NEDD4L: variants seen among roughly 807,000 people sequenced by gnomAD.
The protein encoded by NEDD4L is E3 ubiquitin-protein ligase NEDD4-like.
A neutral mutation model predicts 148.9 loss-of-function variants in NEDD4L; 54 were observed. That is an observed-to-expected ratio of 0.36 (90% CI 0.29 to 0.45). The LOEUF is 0.45. Among genes scored for constraint, NEDD4L ranks in the 20% least tolerant of loss-of-function variants. The pLI, the probability that NEDD4L is intolerant of heterozygous loss-of-function variation, is 1.00. For synonymous variants in NEDD4L, 433 were observed against 440.7 expected (o/e 0.98, Z 0.22); for missense variants, 856 against 1,233.8 (o/e 0.69, Z 4.59).
chr18:58,281,007 A>G (rs2052977131), intron 5 of NEDD4L, among the ~76,000 whole-genome samples: 1 of 151,798 alleles, frequency 6.6e-6, no homozygotes, highest in African/African-American at 2.4e-5. Flanking sequence ...GACAAATCTC[A>G]CTCTGTTGCC....
chr18:58,168,265 A>T (rs2037117815), intron 2 of NEDD4L, among the ~76,000 whole-genome samples: 1 of 152,138 alleles, frequency 6.6e-6, no homozygotes, highest in Admixed American at 6.5e-5. Flanking sequence ...TTCTTCAGGG[A>T]CACATTTGCC....
chr18:58,343,525 G>A (rs1337997821), intron 16 of NEDD4L, among the ~76,000 whole-genome samples: 5 of 151,974 alleles, frequency 3.3e-5, no homozygotes, highest in Admixed American at 6.5e-5. Context: ...TTGATTTGTC[G>A]CTTTAGTTTT....
At chr18:58,273,152 A>G (rs1229938132) in intron 5 of NEDD4L, among the ~76,000 whole-genome samples, 4 of 152,194 alleles carry the variant, frequency 2.6e-5, no homozygotes, top group Non-Finnish European at 5.9e-5. Context: ...AAGTGAGTGG[A>G]GGAGACAGTG....
intron 1 of NEDD4L, among the ~76,000 whole-genome samples, chr18:58,078,137 T>A (rs943644358): frequency 6.2e-4 from 92 of 149,428 alleles, no homozygotes; most frequent in African/African-American, 2.2e-3. Flanking sequence ...AAGAGCCAAA[T>A]GAGACCTTTA....
chr18:58,234,139 TTC>T lies in NEDD4L; in HGVS notation c.123-11278_123-11277del, dbSNP rs774146971. ...TTCTTTTCCTTCTTTTTTTCTTTCTTTCTCTCTCTCTTTCTTTCTTCTTTTTC... is the reference window on the plus strand; with the variant it reads ...TTCTTTTCCTTCTTTTTTTCTTTCTTTCTCTCTCTTTCTTTCTTCTTTTTC... On this transcript the variant is annotated intron_variant, in intron 2 of 30. Transcript: ENST00000400345. Among the ~76,000 whole-genome samples the T allele has an allele frequency of 2.5e-3, 376 of 151,026 alleles. 3 individuals carry two copies. In the Middle Eastern group the frequency reaches 0.027, roughly 11 times the overall value.
At chr18:58,176,795 A>G (rs1191758126) in intron 2 of NEDD4L, among the ~76,000 whole-genome samples, 3 of 152,212 alleles carry the variant, frequency 2.0e-5, no homozygotes, top group Non-Finnish European at 2.9e-5. Flanking sequence ...TGGAAGGAAA[A>G]CTACAAGACT....
At chr18:58,221,988 A>G (rs1368363188) in intron 2 of NEDD4L, among the ~76,000 whole-genome samples, 2 of 152,232 alleles carry the variant, frequency 1.3e-5, no homozygotes, top group African/African-American at 4.8e-5. Context: ...CTTGAAAAGA[A>G]TTGGGATCAG....
intron 2 of NEDD4L, among the ~76,000 whole-genome samples, chr18:58,230,309 A>G (rs1473038751): frequency 1.3e-5 from 2 of 152,174 alleles, no homozygotes; most frequent in South Asian, 2.1e-4. Context: ...TATCAACTCT[A>G]TAAGTCAGTT....
Position 58,289,213 on chromosome 18 carries a change from G to A in NEDD4L, c.298-26769G>A, listed in dbSNP as rs763624301. On this transcript the variant is annotated intron_variant, in intron 5 of 30. Transcript: ENST00000400345. ...TATACGCTGTGTACAAATTAGCTCA[G>A]ATTCAAGATTTTTGCTCTAACAACT... Among the ~76,000 whole-genome samples the A allele has an allele frequency of 3.3e-5, 5 of 152,318 alleles. No homozygotes were observed. The South Asian group carries it at 6.2e-4, about 19-fold the overall frequency.
intron 1 of NEDD4L, among the ~76,000 whole-genome samples, chr18:58,128,079 C>T (rs973205286): frequency 2.0e-5 from 3 of 152,034 alleles, no homozygotes; most frequent in African/African-American, 7.2e-5. Context: ...CAGGGTCTCA[C>T]TCTGTCGCCC....
chr18:58,389,081 C>G lies in NEDD4L; in HGVS notation c.2548-4C>G. On this transcript the variant is annotated splice_polypyrimidine_tract_variant and splice_region_variant and intron_variant, in intron 27 of 30. Transcript: ENST00000400345. ...CTTTTACATCTGGTAAATTTTCTTC[C>G]TAGTTGCTCATGTGCGGCCTCGGTG... 4 of 1,612,886 alleles carry G rather than the reference C, an allele frequency of 2.5e-6. No homozygotes were observed. The highest frequency in any genetic ancestry group is 3.4e-6 in the Non-Finnish European group (4 of 1,178,932).
chr18:58,364,013 G>A (rs1025672865), intron 19 of NEDD4L, among the ~76,000 whole-genome samples: 2 of 152,180 alleles, frequency 1.3e-5, no homozygotes, highest in South Asian at 2.1e-4. Flanking sequence ...TTTGTGTAGC[G>A]TACCCCAAAT....
At chr18:58,392,666 G>A (rs1372028210) in intron 30 of NEDD4L, among the ~76,000 whole-genome samples, 6 of 152,132 alleles carry the variant, frequency 3.9e-5, no homozygotes, top group South Asian at 2.1e-4. Flanking sequence ...GTCATTGTCC[G>A]TGGTTCTCTG....
chr18:58,088,230 ACT>A (rs1171553537), intron 1 of NEDD4L, among the ~76,000 whole-genome samples: 1 of 152,076 alleles, frequency 6.6e-6, no homozygotes, highest in Non-Finnish European at 1.5e-5. Context: ...CAGAAGTAAC[ACT>A]CTGTCATTTC....
chr18:58,156,007 A>C (rs17833599), intron 1 of NEDD4L, among the ~76,000 whole-genome samples: 8,468 of 152,160 alleles, frequency 0.056, 365 homozygotes, highest in East Asian at 0.22. Flanking sequence ...GGCCAGGTTT[A>C]TCTCTCCTCT....
intron 30 of NEDD4L, 77 bp from the exon 31 acceptor site, chr18:58,396,090 C>G: frequency 1.0e-6 from 1 of 962,378 alleles, no homozygotes; most frequent in Non-Finnish European, 1.6e-6. Flanking sequence ...TTCTCTTACT[C>G]AAACCTCATG....
rs1387864279 is a variant in NEDD4L, at chr18:58,396,967, A to G, written c.*698A>G. On this transcript the variant is annotated 3_prime_UTR_variant, in exon 31 of 31. Coordinates refer to ENST00000400345, the MANE Select transcript of NEDD4L (RefSeq NM_001144967.3). ...GGGGTTTTTTTGTACAAATTTAGCTAATAGCTACAGGCTGAGAGAATTGTA... is the reference window on the plus strand; with the variant it reads ...GGGGTTTTTTTGTACAAATTTAGCTGATAGCTACAGGCTGAGAGAATTGTA... 1 of 152,640 alleles carries G rather than the reference A, an allele frequency of 6.6e-6. No homozygotes were observed. Among genetic ancestry groups the G allele is most frequent in the Non-Finnish European group, 1.5e-5 (1 of 68,038 alleles). The allele number at this position is 152,640 out of a possible 1,614,324, so 9.5% of individuals were successfully genotyped here.
intron 2 of NEDD4L, among the ~76,000 whole-genome samples, chr18:58,206,076 C>T (rs757370897): frequency 2.6e-5 from 4 of 152,148 alleles, no homozygotes; most frequent in Admixed American, 6.5e-5. Context: ...CTCCCCTTTG[C>T]GCTGGGTACA....
intron 11 of NEDD4L, among the ~76,000 whole-genome samples, chr18:58,333,410 G>C (rs999962771): frequency 2.0e-5 from 3 of 151,966 alleles, no homozygotes; most frequent in African/African-American, 7.3e-5. Context: ...AATAAATGTT[G>C]GGTAGCCACA....
Sources: allele counts gnomAD v4.1 joint callset (sites outside exome capture counted in the v4.1 genomes callset), GRCh38; gene constraint gnomAD v4.1.1; transcripts MANE v1.5; gene names NCBI Gene and HGNC (gene_info 2026-07-23, HGNC 2026-07-21).